Variants in GNAL observed in about 807,000 individuals in gnomAD.
GNAL encodes guanine nucleotide-binding protein G(olf) subunit alpha.
GNAL carries 18 observed loss-of-function variants against 55.1 expected under a neutral mutation model. The observed-to-expected ratio is 0.33, with a 90% confidence interval of 0.23 to 0.48. GNAL has a LOEUF of 0.48. GNAL is among the 20% of genes least tolerant of loss of function. GNAL has a pLI of 0.99. For missense variants in GNAL, 412 were observed against 614.1 expected, an observed-to-expected ratio of 0.67 and a Z score of 3.48; for synonymous variants, 253 against 237.0, an observed-to-expected ratio of 1.07 and a Z score of -0.62.
At position 11,752,938 on chromosome 18, in the gene GNAL, A is replaced by T. The variant is rs199891656; in HGVS notation, c.449+13A>T. ...GGTTTAATCCCGAGTAAGAATGTTCAGTTTGCTTCCAAACTGCATGCAAAC... is the reference window on the plus strand; with the variant it reads ...GGTTTAATCCCGAGTAAGAATGTTCTGTTTGCTTCCAAACTGCATGCAAAC... On this transcript the variant is annotated intron_variant, in intron 2 of 11. Transcript: ENST00000334049. This position sits in a 1 kb window ranked among gnomAD's most constrained non-coding sequence, Gnocchi z 4.5. 3.2e-6 allele frequency: 5 copies of T among 1,542,080 alleles called. No individual in the cohort carries two copies. The highest frequency in any genetic ancestry group is 2.3e-5 in the East Asian group (1 of 44,324).
At chr18:11,695,239 A>C (rs1393842707) in intron 1 of GNAL, among the ~76,000 whole-genome samples, 1 of 152,174 alleles carries the variant, frequency 6.6e-6, no homozygotes, top group Non-Finnish European at 1.5e-5. Context: ...AAACCTACCT[A>C]TTTTTAAGCA....
chr18:11,828,485 T>C (rs1301413071), intron 5 of GNAL, among the ~76,000 whole-genome samples: 1 of 152,208 alleles, frequency 6.6e-6, no homozygotes, highest in Non-Finnish European at 1.5e-5. Flanking sequence ...TGCTAGCAAC[T>C]GGAATTTCTA....
chr18:11,752,751 A>G lies in GNAL; in HGVS notation c.377-102A>G, dbSNP rs1377657321. ...CCAGCCAGGAACCCGCGTGTAGGAAATCCCCGTGCTGGGGGAGGAGGATTG... is the reference window on the plus strand; with the variant it reads ...CCAGCCAGGAACCCGCGTGTAGGAAGTCCCCGTGCTGGGGGAGGAGGATTG... On this transcript the variant is annotated intron_variant, in intron 1 of 11. Transcript: ENST00000334049. This position sits in a 1 kb window ranked among gnomAD's most constrained non-coding sequence, Gnocchi z 4.5. The G allele has an allele frequency of 8.7e-7, 1 of 1,149,504 alleles. No homozygotes were observed. The allele number at this position is 1,149,504 out of a possible 1,614,324, so 71.2% of individuals were successfully genotyped here. A position where few individuals can be genotyped will look rare whatever the true frequency, so the allele number is the denominator to read the frequency against.
At chr18:11,799,496 A>C (rs911268833) in intron 4 of GNAL, among the ~76,000 whole-genome samples, 2 of 152,212 alleles carry the variant, frequency 1.3e-5, no homozygotes, top group African/African-American at 2.4e-5. Context: ...TCTAGCCTTC[A>C]GTTTGCTATC....
intron 1 of GNAL, among the ~76,000 whole-genome samples, chr18:11,732,852 A>G (rs1443606848): frequency 6.6e-6 from 1 of 152,248 alleles, no homozygotes; most frequent in Non-Finnish European, 1.5e-5. Context: ...TACAGCAATC[A>G]CATAAGCAGA....
Position 11,751,601 on chromosome 18 carries a change from A to T in GNAL, c.377-1252A>T, listed in dbSNP as rs1026532352. On this transcript the variant is annotated intron_variant, in intron 1 of 11. Transcript: ENST00000334049. This position sits in a 1 kb window ranked among gnomAD's most constrained non-coding sequence, Gnocchi z 4.5. The stretch of plus-strand genomic sequence containing the variant: ...GGAGCAGGGACGCGTCCGAGCCAAC[A>T]CGGGGCGCGCGCCCAGACGCACTTT... 5.1e-6 allele frequency: 5 copies of T among 985,202 alleles called. No homozygotes were observed. The highest frequency in any genetic ancestry group is 6.0e-6 in the Non-Finnish European group (5 of 829,930). The allele number at this position is 985,202 out of a possible 1,614,324, so 61.0% of individuals were successfully genotyped here. A position where few individuals can be genotyped will look rare whatever the true frequency, so the allele number is the denominator to read the frequency against.
intron 4 of GNAL, among the ~76,000 whole-genome samples, chr18:11,768,601 C>CA (rs2033488258): frequency 7.5e-6 from 1 of 133,784 alleles, no homozygotes; most frequent in Non-Finnish European, 1.6e-5. Context: ...AACTCCATCT[C>CA]GAAAAAAAAA....
At chr18:11,780,967 G>T (rs1018118857) in intron 4 of GNAL, among the ~76,000 whole-genome samples, 5 of 152,130 alleles carry the variant, frequency 3.3e-5, no homozygotes, top group African/African-American at 1.2e-4. Flanking sequence ...ACTGATAACA[G>T]GCTACTAATC....
At chr18:11,771,613 G>T (rs1421606883) in intron 4 of GNAL, among the ~76,000 whole-genome samples, 1 of 152,180 alleles carries the variant, frequency 6.6e-6, no homozygotes, top group Non-Finnish European at 1.5e-5. Context: ...CCCAGGGAAG[G>T]TGAGGGGTGG....
At chr18:11,843,688 A>G (rs2143745792) in intron 5 of GNAL, among the ~76,000 whole-genome samples, 1 of 152,118 alleles carries the variant, frequency 6.6e-6, no homozygotes, top group Admixed American at 6.5e-5. Context: ...CAAAATCGTT[A>G]TGTCACCAGG....
At chr18:11,722,814 C>T (rs569691190) in intron 1 of GNAL, among the ~76,000 whole-genome samples, 1 of 152,174 alleles carries the variant, frequency 6.6e-6, no homozygotes, top group South Asian at 2.1e-4. Context: ...GAGTTTGAGA[C>T]CAGCCTGACC....
chr18:11,841,996 G>C (rs1192364675), intron 5 of GNAL, among the ~76,000 whole-genome samples: 1 of 151,316 alleles, frequency 6.6e-6, no homozygotes, highest in Middle Eastern at 3.2e-3. Context: ...TTTTGAGACG[G>C]AGTTTCGCTG....
intron 1 of GNAL, among the ~76,000 whole-genome samples, chr18:11,711,079 G>A (rs113754903): frequency 2.6e-5 from 4 of 152,122 alleles, no homozygotes; most frequent in African/African-American, 9.7e-5. Context: ...GTTTCACCGT[G>A]TTAGCCAGGA....
Position 11,843,933 on chromosome 18 carries a change from A to G in GNAL, c.723-18462A>G, listed in dbSNP as rs190287998. On this transcript the variant is annotated intron_variant, in intron 5 of 11. Coordinates refer to ENST00000334049, the MANE Select transcript of GNAL (RefSeq NM_182978.4). ...GGTTTCAGTGAGCCGAGATTGTGCC[A>G]TTGCACTCCAGCCTGGGCAACGGGA... Among the ~76,000 whole-genome samples the G allele has an allele frequency of 2.3e-4, 35 of 152,118 alleles. 1 individual carries two copies. Among genetic ancestry groups the G allele is most frequent in the African/African-American group, 8.2e-4 (34 of 41,500 alleles).
intron 5 of GNAL, chr18:11,851,544 G>C (rs1366922553): frequency 3.7e-6 from 6 of 1,607,036 alleles, no homozygotes; most frequent in African/African-American, 1.3e-5. Flanking sequence ...TGTTCAACCT[G>C]AAGTTCGCGG....
At chr18:11,821,665 C>T (rs1021279134) in intron 4 of GNAL, among the ~76,000 whole-genome samples, 1 of 152,218 alleles carries the variant, frequency 6.6e-6, no homozygotes, top group Non-Finnish European at 1.5e-5. Context: ...GGCCTGGGGG[C>T]GCTGAGGATC....
chr18:11,826,151 T>C (rs529608074), intron 5 of GNAL, among the ~76,000 whole-genome samples: 1 of 152,122 alleles, frequency 6.6e-6, no homozygotes, highest in Non-Finnish European at 1.5e-5. Flanking sequence ...TAGGTTCTAC[T>C]TCCACTCACC....
At chr18:11,870,446 G>C (rs552550300) in intron 9 of GNAL, among the ~76,000 whole-genome samples, 1 of 152,206 alleles carries the variant, frequency 6.6e-6, no homozygotes, top group East Asian at 1.9e-4. Flanking sequence ...GCTTGAACCC[G>C]GGAGGTGGAG....
chr18:11,776,756 T>C (rs1027313372), intron 4 of GNAL, among the ~76,000 whole-genome samples: 1 of 150,426 alleles, frequency 6.6e-6, no homozygotes, highest in Non-Finnish European at 1.5e-5. Context: ...AATGCAACAG[T>C]CTTCTCTTCA....
Sources: gnomAD v4.1 joint callset for allele counts (sites outside exome capture counted in the v4.1 genomes callset) on GRCh38, gnomAD v4.1.1 for gene constraint, Gnocchi (gnomAD v3.1) non-coding constraint, MANE v1.5 for transcripts, NCBI Gene and HGNC (gene_info 2026-07-23, HGNC 2026-07-21) for gene names.